Variants in ALK observed in about 807,000 individuals in gnomAD.
ALK encodes the protein ALK tyrosine kinase receptor.
ALK carries 74 observed loss-of-function variants against 163.1 expected under a neutral mutation model. That is an observed-to-expected ratio of 0.45 (90% CI 0.38 to 0.55). The LOEUF (loss-of-function observed/expected upper bound fraction) is 0.55. Among genes scored for constraint, ALK ranks in the 20% least tolerant of loss-of-function variants. The pLI is 0.00. For missense variants in ALK, 2,063 were observed against 2,105.3 expected, an observed-to-expected ratio of 0.98 and a Z score of 0.39; for synonymous variants, 960 against 843.2, an observed-to-expected ratio of 1.14 and a Z score of -2.40.
rs538138476 is a variant in ALK at position 29,918,965 on chromosome 2, G to T, written c.667+1028C>A. Among the ~76,000 whole-genome samples the T allele has an allele frequency of 2.6e-4, 40 of 152,188 alleles. No homozygotes were observed. The South Asian group carries it at 8.1e-3, about 31-fold the overall frequency. ...ATATTTTATTCACAAGTCTTCCCCA[G>T]TTGTCTTACAAGAAGAACATCGATT... is the stretch of plus-strand genomic sequence containing the variant. On this transcript the variant is annotated intron_variant, in intron 1 of 28. Coordinates refer to ENST00000389048, the MANE Select transcript of ALK (RefSeq NM_004304.5).
chr2:29,920,112 C>A lies in ALK; in HGVS notation c.548G>T (p.Gly183Val), dbSNP rs1060500223. ...GGGCATCAGGCGGATCCTCAGTCGC[C>A]CTTCGCCTTGGCGAATCCACCAACT... ...LFSWWIRQGE[G>V]RLRIRLMPEK... The change falls in exon 1 of 29, where the codon GGG becomes GTG. Residue 183 changes from glycine (G) to valine (V), a missense_variant. By Grantham distance (109) the Gly-to-Val change is moderately radical. Coordinates refer to ENST00000389048, the MANE Select transcript of ALK (RefSeq NM_004304.5). 2.5e-6 allele frequency: 4 copies of A among 1,614,032 alleles called. No homozygotes were observed. Among genetic ancestry groups the A allele is most frequent in the Non-Finnish European group, 3.4e-6 (4 of 1,180,058 alleles).
chr2:29,690,346 G>A (rs1245863138), intron 3 of ALK, among the ~76,000 whole-genome samples: 1 of 152,178 alleles, frequency 6.6e-6, no homozygotes, highest in Admixed American at 6.5e-5. Context: ...GAGTTGAGCT[G>A]TTCCAGGAAG....
chr2:29,860,483 A>C lies in ALK; in HGVS notation c.667+59510T>G, dbSNP rs76916345. ...GATTTCTTGGATTACACAGGCAGAA[A>C]ATCAATAAGGAAACACTGGACACAA... On this transcript the variant is annotated intron_variant, in intron 1 of 28. Transcript: ENST00000389048. 6.5e-3 allele frequency among the ~76,000 whole-genome samples: 985 copies of C among 152,324 alleles called. 14 individuals carry two copies. The highest frequency in any genetic ancestry group is 0.022 in the African/African-American group (920 of 41,562).
chr2:29,223,251 C>T (rs1664362450), intron 20 of ALK, 91 bp downstream of exon 20: 1 of 1,467,236 alleles, frequency 6.8e-7, no homozygotes, highest in African/African-American at 1.4e-5. Flanking sequence ...CTCTGCCGGC[C>T]TTTTGTGGCT....
chr2:29,476,917 T>C lies in ALK; in HGVS notation c.1154+54998A>G, dbSNP rs192700544. 2.0e-5 allele frequency among the ~76,000 whole-genome samples: 3 copies of C among 152,296 alleles called. No homozygotes were observed. The East Asian group carries it at 5.8e-4, about 29-fold the overall frequency. The stretch of plus-strand genomic sequence containing the variant: ...TATTGATCACCTTGCCCTTTTATCG[T>C]TGGTTGACACTGGAGCAGATTCAAG... On this transcript the variant is annotated intron_variant, in intron 4 of 28. Coordinates refer to ENST00000389048, the MANE Select transcript of ALK (RefSeq NM_004304.5).
intron 4 of ALK, among the ~76,000 whole-genome samples, chr2:29,504,518 G>C (rs1672263562): frequency 1.3e-5 from 2 of 152,160 alleles, no homozygotes; most frequent in Admixed American, 6.5e-5. Context: ...TGGTGGCTTG[G>C]GCTAGGATGG....
intron 9 of ALK, among the ~76,000 whole-genome samples, chr2:29,289,830 G>A (rs1213342682): frequency 2.0e-5 from 3 of 152,140 alleles, no homozygotes; most frequent in Non-Finnish European, 4.4e-5. Flanking sequence ...CCCAGCAGAG[G>A]GAGGACTCAC....
chr2:29,197,006 A>C, intron 27 of ALK, 146 bp from the exon 28 acceptor site: 1 of 688,622 alleles, frequency 1.5e-6, no homozygotes, highest in Non-Finnish European at 2.6e-6. Context: ...CCCCCTGCTG[A>C]TTGGTCAAGG....
intron 1 of ALK, among the ~76,000 whole-genome samples, chr2:29,853,821 A>T (rs912370641): frequency 6.6e-6 from 1 of 151,434 alleles, no homozygotes; most frequent in East Asian, 1.9e-4. Context: ...TTGGGGGTTC[A>T]TTCTTCATTC....
chr2:29,734,770 C>T (rs906829938), intron 1 of ALK, among the ~76,000 whole-genome samples: 3 of 151,862 alleles, frequency 2.0e-5, no homozygotes, highest in Non-Finnish European at 1.5e-5. Flanking sequence ...TACTACTTTT[C>T]ACTTATTGAA....
At chr2:29,744,749 T>C (rs980315547) in intron 1 of ALK, among the ~76,000 whole-genome samples, 1 of 152,076 alleles carries the variant, frequency 6.6e-6, no homozygotes, top group African/African-American at 2.4e-5. Flanking sequence ...CGGAACATCA[T>C]CTGTAAGAGG....
chr2:29,441,190 C>T (rs537614387), intron 4 of ALK, among the ~76,000 whole-genome samples: 16 of 152,350 alleles, frequency 1.1e-4, no homozygotes, highest in Admixed American at 9.1e-4. Flanking sequence ...AACAAGAATA[C>T]AGCACATCTG....
chr2:29,309,951 T>C (rs748643549), intron 8 of ALK, among the ~76,000 whole-genome samples: 7 of 152,170 alleles, frequency 4.6e-5, no homozygotes, highest in Admixed American at 3.9e-4. Flanking sequence ...AGATGAGGGA[T>C]CATAATAATA....
intron 3 of ALK, among the ~76,000 whole-genome samples, chr2:29,590,842 C>A (rs1162421885): frequency 1.3e-5 from 2 of 151,732 alleles, no homozygotes; most frequent in Admixed American, 6.6e-5. Context: ...GAGGCCGAGA[C>A]GGGCGGATCA....
At chr2:29,916,867 G>A (rs1001564416) in intron 1 of ALK, among the ~76,000 whole-genome samples, 1 of 152,142 alleles carries the variant, frequency 6.6e-6, no homozygotes, top group African/African-American at 2.4e-5. Flanking sequence ...TATGATTTGG[G>A]CTGTCCTGGG....
intron 3 of ALK, among the ~76,000 whole-genome samples, chr2:29,599,049 A>G (rs1038883805): frequency 6.6e-6 from 1 of 152,202 alleles, no homozygotes; most frequent in Non-Finnish European, 1.5e-5. Flanking sequence ...GCTATGTGGT[A>G]TGGAACCCTG....
chr2:29,469,295 A>G (rs1344226064), intron 4 of ALK, among the ~76,000 whole-genome samples: 2 of 152,202 alleles, frequency 1.3e-5, no homozygotes, highest in African/African-American at 4.8e-5. Context: ...ACCAGCCACT[A>G]TCTTGTGCCA....
chr2:29,454,859 G>T (rs1670910717), intron 4 of ALK, among the ~76,000 whole-genome samples: 1 of 152,052 alleles, frequency 6.6e-6, no homozygotes. Flanking sequence ...TACTATTAAA[G>T]TTATATACTA....
chr2:29,671,405 A>G (rs1677684011), intron 3 of ALK, among the ~76,000 whole-genome samples: 2 of 152,190 alleles, frequency 1.3e-5, no homozygotes, highest in South Asian at 2.1e-4. Context: ...TGGCTGAGTT[A>G]CAGAGTAGAG....
Sources: allele counts gnomAD v4.1 joint callset (sites outside exome capture counted in the v4.1 genomes callset), GRCh38; gene constraint gnomAD v4.1.1; transcripts MANE v1.5; gene names NCBI Gene and HGNC (gene_info 2026-07-23, HGNC 2026-07-21).